TP63: variants seen among roughly 807,000 people sequenced by gnomAD.
The protein encoded by TP63 is tumor protein p63.
TP63 carries 17 observed loss-of-function variants against 82.8 expected under a neutral mutation model. The ratio of observed to expected loss-of-function variants is 0.21; its 90% CI spans 0.14 to 0.31. TP63 has a LOEUF of 0.31. Ranked by LOEUF, TP63 falls within the 10% of genes least tolerant of loss-of-function variation. The probability of loss-of-function intolerance (pLI) is 1.00; values close to 1 mark genes in which losing one functional copy is unlikely to be tolerated. For synonymous variants in TP63, 330 were observed against 321.7 expected (o/e 1.03, Z -0.28); for missense variants, 648 against 895.3 (o/e 0.72, Z 3.52).
rs1438035846 is a variant in TP63 at position 189,895,394 on chromosome 3, A to C, written c.*892A>C. The C allele has an allele frequency of 9.2e-6, 2 of 216,994 alleles. No homozygotes were observed. The highest frequency in any genetic ancestry group is 1.2e-4 in the Admixed American group (2 of 17,260). 13.4% of individuals were successfully genotyped at this position (216,994 alleles called of 1,614,324 possible). On this transcript the variant is annotated 3_prime_UTR_variant, in exon 14 of 14. Transcript: ENST00000264731. ...AATTTAATACCAGATACCTTATCTT[A>C]CAATATTGATTGGGAAAACATTTGC...
intron 4 of TP63, among the ~76,000 whole-genome samples, chr3:189,846,319 A>G (rs1447448277): frequency 6.6e-6 from 1 of 152,182 alleles, no homozygotes; most frequent in African/African-American, 2.4e-5. Context: ...CATTTTGACA[A>G]GGATATTTTA....
chr3:189,807,210 G>A (rs1727008795), intron 3 of TP63, among the ~76,000 whole-genome samples: 1 of 152,200 alleles, frequency 6.6e-6, no homozygotes, highest in South Asian at 2.1e-4. Context: ...AATGATGATA[G>A]GCTGATTTGC....
chr3:189,616,632 G>A, the TP63 span, among the ~76,000 whole-genome samples: 14 of 152,090 alleles, frequency 9.2e-5, no homozygotes, highest in African/African-American at 3.4e-4. Flanking sequence ...GTCCTGCTTG[G>A]GCTCAATCTG....
chr3:189,706,042 C>T (rs983894335), intron 1 of TP63, among the ~76,000 whole-genome samples: 6 of 152,052 alleles, frequency 3.9e-5, no homozygotes, highest in African/African-American at 1.5e-4. Flanking sequence ...TGGAATTCTC[C>T]CACTCTGCTT....
intron 3 of TP63, among the ~76,000 whole-genome samples, chr3:189,752,752 T>C (rs1333883855): frequency 6.6e-6 from 1 of 152,136 alleles, no homozygotes. Context: ...GTTTATATTA[T>C]TGAGTTGAGA....
chr3:189,777,343 CCCG>C (rs1376256564), intron 3 of TP63, among the ~76,000 whole-genome samples: 16 of 151,794 alleles, frequency 1.1e-4, no homozygotes, highest in African/African-American at 3.9e-4. Context: ...ATTACAGGCA[CCCG>C]CCACCATGCT....
chr3:189,809,451 A>G (rs1329290555), intron 4 of TP63, among the ~76,000 whole-genome samples: 10 of 152,242 alleles, frequency 6.6e-5, no homozygotes, highest in Non-Finnish European at 1.2e-4. Context: ...GGACACCTAC[A>G]AAGTTGGTTT....
intron 13 of TP63, among the ~76,000 whole-genome samples, chr3:189,891,154 C>G (rs920031036): frequency 3.3e-5 from 5 of 152,152 alleles, no homozygotes; most frequent in African/African-American, 1.2e-4. Context: ...GAAAGAGGAG[C>G]TATTCCCGCA....
chr3:189,778,086 C>T (rs913664091), intron 3 of TP63, among the ~76,000 whole-genome samples: 1 of 152,024 alleles, frequency 6.6e-6, no homozygotes. Context: ...TGGCTGGTCT[C>T]GAACTCCTGG....
At chr3:189,757,535 G>T (rs1722269959) in intron 3 of TP63, among the ~76,000 whole-genome samples, 1 of 152,128 alleles carries the variant, frequency 6.6e-6, no homozygotes, top group African/African-American at 2.4e-5. Context: ...GGTTGTTGCT[G>T]TTAGTCTTTA....
At chr3:189,760,407 C>T (rs1722480121) in intron 3 of TP63, among the ~76,000 whole-genome samples, 1 of 152,164 alleles carries the variant, frequency 6.6e-6, no homozygotes, top group African/African-American at 2.4e-5. Context: ...TTGGCCAAAA[C>T]AAAGGGGCTA....
Position 189,867,841 on chromosome 3 carries a change from T to C in TP63, c.891T>C (p.Thr297=). ...TTACCCCTTGTTTTCAGGTTGGCAC[T>C]GAATTCACGACAGTCTTGTACAATT... is the stretch of plus-strand genomic sequence containing the variant. ...LVPYEPPQVG[T]EFTTVLYNFM... Residue 297 remains threonine (T), a synonymous_variant, in exon 7 of 14, where the codon ACT becomes ACC. Coordinates refer to ENST00000264731, the MANE Select transcript of TP63 (RefSeq NM_003722.5). 6.2e-7 allele frequency: 1 copy of C among 1,614,046 alleles called. No homozygotes were observed. Among genetic ancestry groups the C allele is most frequent in the Non-Finnish European group, 8.5e-7 (1 of 1,179,920 alleles).
At chr3:189,597,289 C>T in the TP63 span, among the ~76,000 whole-genome samples, 1 of 152,112 alleles carries the variant, frequency 6.6e-6, no homozygotes, top group African/African-American at 2.4e-5. Context: ...ATCTAAAGGA[C>T]CATGCATTAA....
At chr3:189,657,768 G>A (rs1416537184) in intron 1 of TP63, among the ~76,000 whole-genome samples, 4 of 152,002 alleles carry the variant, frequency 2.6e-5, no homozygotes, top group Admixed American at 2.6e-4. Context: ...AGATATGGAT[G>A]GTTATATATA....
intron 1 of TP63, among the ~76,000 whole-genome samples, chr3:189,638,196 G>A (rs572445159): frequency 6.6e-6 from 1 of 152,230 alleles, no homozygotes; most frequent in South Asian, 2.1e-4. Flanking sequence ...AATCCACCAA[G>A]GTAAGAATTG....
intron 13 of TP63, among the ~76,000 whole-genome samples, chr3:189,892,820 T>G (rs1229270072): frequency 1.3e-5 from 2 of 152,158 alleles, no homozygotes; most frequent in Non-Finnish European, 2.9e-5. Context: ...CTATGCTTAT[T>G]TTTTTGTGGA....
Position 189,889,328 on chromosome 3 carries a change from G to C in TP63, c.1508-12G>C. ...GGCAGTAACCCTTTTTGTTCCTCCT[G>C]CTTCTGTTCAGTTCCCATGATGGGC... On this transcript the variant is annotated splice_polypyrimidine_tract_variant and intron_variant, in intron 11 of 13. Coordinates refer to ENST00000264731, the MANE Select transcript of TP63 (RefSeq NM_003722.5). 6.2e-7 allele frequency: 1 copy of C among 1,614,120 alleles called. No individual in the cohort carries two copies. Among genetic ancestry groups the C allele is most frequent in the Non-Finnish European group, 8.5e-7 (1 of 1,180,010 alleles).
At chr3:189,889,826 A>G (rs868795650) in intron 12 of TP63, among the ~76,000 whole-genome samples, 1 of 152,232 alleles carries the variant, frequency 6.6e-6, no homozygotes, top group African/African-American at 2.4e-5. Context: ...CAAAAGGGCA[A>G]TAAACTTGCT....
chr3:189,717,485 G>A (rs1307215560), intron 1 of TP63, among the ~76,000 whole-genome samples: 1 of 152,144 alleles, frequency 6.6e-6, no homozygotes, highest in Non-Finnish European at 1.5e-5. Context: ...ATCTGGATGG[G>A]ATAAGAAATG....
Sources: gnomAD v4.1 joint callset for allele counts (sites outside exome capture counted in the v4.1 genomes callset) on GRCh38, gnomAD v4.1.1 for gene constraint, MANE v1.5 for transcripts, NCBI Gene and HGNC (gene_info 2026-07-23, HGNC 2026-07-21) for gene names.